The following NNT variants were observed in gnomAD, a reference collection of about 807,000 sequenced individuals.
NNT encodes NAD(P) transhydrogenase, mitochondrial.
NNT carries 50 observed loss-of-function variants against 104.8 expected under a neutral mutation model. The ratio of observed to expected loss-of-function variants is 0.48; its 90% CI spans 0.38 to 0.60. The LOEUF (loss-of-function observed/expected upper bound fraction) is 0.60. Ranked by LOEUF, NNT falls within the 20% of genes least tolerant of loss-of-function variation. The pLI, the probability that NNT is intolerant of heterozygous loss-of-function variation, is 0.00. For synonymous variants in NNT, 461 were observed against 490.4 expected (o/e 0.94, Z 0.79); for missense variants, 1,131 against 1,330.7 (o/e 0.85, Z 2.33).
chr5:43,662,911 T>A (rs1001781769), intron 17 of NNT, among the ~76,000 whole-genome samples: 13 of 148,288 alleles, frequency 8.8e-5, no homozygotes, highest in Admixed American at 4.7e-4. Context: ...AAAAAAAAAA[T>A]TCCAATTAGT....
chr5:43,660,432 A>T (rs991434814), intron 17 of NNT, among the ~76,000 whole-genome samples: 2 of 149,906 alleles, frequency 1.3e-5, no homozygotes, highest in African/African-American at 2.5e-5. Flanking sequence ...TTTGAGTAGA[A>T]CTTTTTTTTT....
chr5:43,650,781 A>C (rs1449416218), intron 12 of NNT, among the ~76,000 whole-genome samples, 194 bp downstream of exon 12: 1 of 152,254 alleles, frequency 6.6e-6, no homozygotes, highest in Non-Finnish European at 1.5e-5. Context: ...AACAACCCCC[A>C]GATCCCCAAA....
intron 17 of NNT, among the ~76,000 whole-genome samples, chr5:43,662,663 C>G (rs1396210125): frequency 6.6e-6 from 1 of 152,108 alleles, no homozygotes; most frequent in East Asian, 1.9e-4. Flanking sequence ...GAGGCTAAGG[C>G]AGGTGGATCA....
intron 16 of NNT, 151 bp from the exon 17 acceptor site, chr5:43,659,020 G>T: frequency 1.6e-6 from 1 of 633,322 alleles, no homozygotes; most frequent in Non-Finnish European, 2.5e-6. Context: ...TGGAAGTGTT[G>T]GTCAGATGGG....
At chr5:43,703,590 A>G (rs1332215014) in intron 21 of NNT, among the ~76,000 whole-genome samples, 1 of 152,198 alleles carries the variant, frequency 6.6e-6, no homozygotes, top group Non-Finnish European at 1.5e-5. Context: ...CTAGTAGACC[A>G]TAGAAAGACT....
chr5:43,685,842 G>A (rs1362176555), intron 19 of NNT, among the ~76,000 whole-genome samples: 1 of 152,102 alleles, frequency 6.6e-6, no homozygotes. Flanking sequence ...GGAAACTTCT[G>A]TTGTTGTGTC....
intron 10 of NNT, among the ~76,000 whole-genome samples, chr5:43,647,337 T>C (rs1437204564): frequency 6.6e-6 from 1 of 152,228 alleles, no homozygotes; most frequent in African/African-American, 2.4e-5. Context: ...TAAATTTCCA[T>C]TTCTCTTTCA....
chr5:43,700,855 G>C (rs563485753), intron 20 of NNT, among the ~76,000 whole-genome samples: 4 of 152,162 alleles, frequency 2.6e-5, no homozygotes, highest in South Asian at 2.1e-4. Flanking sequence ...CTTAAAAAAG[G>C]CTGTTTATTA....
chr5:43,606,300 GA>G (rs908023465), intron 1 of NNT, among the ~76,000 whole-genome samples: 3 of 151,854 alleles, frequency 2.0e-5, no homozygotes, highest in Non-Finnish European at 2.9e-5. Flanking sequence ...TAATGGTGGG[GA>G]AAAAAAATCT....
At chr5:43,672,594 A>T (rs902101871) in intron 17 of NNT, among the ~76,000 whole-genome samples, 27 of 152,166 alleles carry the variant, frequency 1.8e-4, no homozygotes, top group African/African-American at 6.5e-4. Context: ...AGGCTGCAGA[A>T]CCGCGAATAT....
rs769461699 is a variant in NNT, at chr5:43,659,339, A to G, written c.2623A>G (p.Ile875Val). 3.7e-6 allele frequency: 6 copies of G among 1,609,816 alleles called. No individual in the cohort carries two copies. The highest frequency in any genetic ancestry group is 4.2e-6 in the Non-Finnish European group (5 of 1,178,644). Residue 875 changes from isoleucine (I) to valine (V), a missense_variant, in exon 17 of 22, where the codon ATC becomes GTC. By Grantham distance (29) the Ile-to-Val change is conservative. Coordinates refer to ENST00000344920, the MANE Select transcript of NNT (RefSeq NM_182977.3). ...CTCGTCTGGTGCTATCCTGTCATAC[A>G]TCATGTGTGTGGTAAGAAACAACAC... The part of the protein sequence containing the change: ...IGSSGAILSY[I>V]MCVAMNRSLA...
At position 43,641,819 on chromosome 5, in the gene NNT, G is replaced by A. The variant is rs1038291428; in HGVS notation, c.965-2373G>A. Reference sequence around the variant, plus strand: ...GATTGAATTTCTGAGCAATAATAGGGACAAAACACCCAACTTATCTCTGTT... The same window carrying A: ...GATTGAATTTCTGAGCAATAATAGGAACAAAACACCCAACTTATCTCTGTT... On this transcript the variant is annotated intron_variant, in intron 7 of 21. Transcript: ENST00000344920. 2.6e-5 allele frequency among the ~76,000 whole-genome samples: 4 copies of A among 152,184 alleles called. No individual in the cohort carries two copies. The South Asian group carries it at 8.3e-4, about 32-fold the overall frequency.
rs3792920 is a variant in NNT at position 43,649,681 on chromosome 5, A to G, written c.1606+373A>G. ...TCCTATAGGGCTCTCCTTGGATTCA[A>G]CTCAGCATTCAGCCTAGCAAGGCTA... On this transcript the variant is annotated intron_variant, in intron 11 of 21. Transcript: ENST00000344920. Among the ~76,000 whole-genome samples, 10 of 152,068 alleles carry G rather than the reference A, an allele frequency of 6.6e-5. No homozygotes were observed. In the East Asian group the frequency reaches 1.9e-3, roughly 29 times the overall value.
In NNT at chr5:43,644,246, G is replaced by A; in HGVS notation, c.1019G>A (p.Gly340Asp). 1.2e-6 allele frequency: 2 copies of A among 1,613,434 alleles called. No homozygotes were observed. Among genetic ancestry groups the A allele is most frequent in the Non-Finnish European group, 1.7e-6 (2 of 1,179,748 alleles). Residue 340 changes from glycine (G) to aspartate (D), a missense_variant, in exon 8 of 22, where the codon GGT becomes GAT. Physicochemically the swap from Gly to Asp is moderately conservative, Grantham distance 94 (BLOSUM62 -1). Coordinates refer to ENST00000344920, the MANE Select transcript of NNT (RefSeq NM_182977.3). Reference protein sequence around the residue: ...NKEMIESMKEGSVVVDLAAEA... With the variant: ...NKEMIESMKEDSVVVDLAAEA... Reference sequence around the variant, plus strand: ...GAAATGATTGAGTCAATGAAGGAAGGTTCAGTTGTTGTGGATTTAGCTGCT... The same window carrying A: ...GAAATGATTGAGTCAATGAAGGAAGATTCAGTTGTTGTGGATTTAGCTGCT...
At chr5:43,658,015 T>C (rs905945756) in intron 16 of NNT, among the ~76,000 whole-genome samples, 9 of 151,912 alleles carry the variant, frequency 5.9e-5, no homozygotes, top group Admixed American at 2.0e-4. Context: ...TGCGCCTGTA[T>C]TCCCAGCTGC....
intron 1 of NNT, among the ~76,000 whole-genome samples, chr5:43,605,081 G>A (rs1749135303): frequency 6.6e-6 from 1 of 152,184 alleles, no homozygotes; most frequent in South Asian, 2.1e-4. Context: ...CCAATCCGCA[G>A]ATCCAGAGCT....
At chr5:43,672,861 G>T (rs192225282) in intron 17 of NNT, among the ~76,000 whole-genome samples, 1 of 151,788 alleles carries the variant, frequency 6.6e-6, no homozygotes. Flanking sequence ...CCTTTTGTTC[G>T]GCTATGCCCT....
At chr5:43,672,343 G>T (rs1741152962) in intron 17 of NNT, among the ~76,000 whole-genome samples, 1 of 152,198 alleles carries the variant, frequency 6.6e-6, no homozygotes, top group Non-Finnish European at 1.5e-5. Context: ...GCGTTCCTTT[G>T]GAGGGGGGAG....
At chr5:43,618,839 T>C (rs1749920073) in intron 4 of NNT, among the ~76,000 whole-genome samples, 193 bp from the exon 5 acceptor site, 1 of 152,192 alleles carries the variant, frequency 6.6e-6, no homozygotes, top group Non-Finnish European at 1.5e-5. Context: ...TACCTTTCCA[T>C]AGGCTTGTTG....
Sources: allele counts gnomAD v4.1 joint callset (sites outside exome capture counted in the v4.1 genomes callset), GRCh38; gene constraint gnomAD v4.1.1; transcripts MANE v1.5; gene names NCBI Gene and HGNC (gene_info 2026-07-23, HGNC 2026-07-21).